The following EPM2A variants were observed in gnomAD, a reference collection of about 807,000 sequenced individuals.
EPM2A encodes the protein EPM2A glucan phosphatase, laforin.
In EPM2A, 21 loss-of-function variants were observed where a neutral mutation model predicts 26.5. The observed-to-expected ratio is 0.79, with a 90% CI of 0.56 to 1.14. The LOEUF (loss-of-function observed/expected upper bound fraction) is 1.14, where lower values mean the gene tolerates loss of function less well. EPM2A is among the 50% of genes most tolerant of loss of function. The pLI is 0.00. For missense variants in EPM2A, 458 were observed against 440.8 expected, an observed-to-expected ratio of 1.04 and a Z score of -0.35; for synonymous variants, 217 against 177.6, an observed-to-expected ratio of 1.22 and a Z score of -1.76.
chr6:145,670,913 T>C, intron 2 of EPM2A: 1 of 985,310 alleles, frequency 1.0e-6, no homozygotes, highest in Non-Finnish European at 1.2e-6. Context: ...CATTCCCCAG[T>C]CAGAAGAATT....
intron 4 of EPM2A, among the ~76,000 whole-genome samples, chr6:145,422,959 T>G (rs940198668): frequency 3.3e-5 from 5 of 152,162 alleles, no homozygotes; most frequent in Non-Finnish European, 7.4e-5. Context: ...TTTATATGAA[T>G]ATATATTTGT....
At position 145,572,604 on chromosome 6, in the gene EPM2A, A is replaced by G. The variant is rs1273109278; in HGVS notation, c.340+62641T>C. ...AGTAACAGACCAAGAGCTGTCTCTC[A>G]AAAGGAGAGTAGTTATCTGCAGAAA... On this transcript the variant is annotated intron_variant, in intron 2 of 3. Coordinates refer to the EPM2A transcript ENST00000450221. Among the ~76,000 whole-genome samples, 3 of 152,186 alleles carry G rather than the reference A, an allele frequency of 2.0e-5. No homozygotes were observed. In the East Asian group the frequency reaches 5.8e-4, roughly 29 times the overall value.
rs1388849611 is a variant in EPM2A, at chr6:145,732,230, TGTGTGTGC to T, written c.301+2960_301+2967del. Reference sequence around the variant, plus strand: ...GTGTGTGTGTGTGTGTGTGTGTGTGTGTGTGTGCGCGCCAAAGTAAGGAAGGGAGAGGA... The same window carrying T: ...GTGTGTGTGTGTGTGTGTGTGTGTGTGCGCCAAAGTAAGGAAGGGAGAGGA... On this transcript the variant is annotated intron_variant, in intron 1 of 3. Coordinates refer to ENST00000367519, the MANE Select transcript of EPM2A (RefSeq NM_005670.4). 2.6e-3 allele frequency among the ~76,000 whole-genome samples: 317 copies of T among 122,570 alleles called. 1 individual carries two copies. Among genetic ancestry groups the T allele is most frequent in the African/African-American group, 7.6e-3 (256 of 33,816 alleles). 80.4% of individuals were successfully genotyped at this position (122,570 alleles called of 152,430 possible). A position where few individuals can be genotyped will look rare whatever the true frequency, so the allele number is the denominator to read the frequency against.
intron 2 of EPM2A, among the ~76,000 whole-genome samples, chr6:145,562,752 T>A (rs1780826159): frequency 6.6e-6 from 1 of 152,072 alleles, no homozygotes; most frequent in Admixed American, 6.6e-5. Context: ...CTTAGAGTTT[T>A]ACACTCCATG....
intron 4 of EPM2A, among the ~76,000 whole-genome samples, chr6:145,386,040 A>G (rs1423855816): frequency 6.6e-6 from 1 of 152,146 alleles, no homozygotes; most frequent in Non-Finnish European, 1.5e-5. Context: ...TACTGAAGTA[A>G]TGAACAAAAT....
At chr6:145,447,467 G>A (rs1279144038) in intron 4 of EPM2A, among the ~76,000 whole-genome samples, 2 of 151,898 alleles carry the variant, frequency 1.3e-5, no homozygotes, top group East Asian at 1.9e-4. Flanking sequence ...GCTAATTGGT[G>A]CCTTACCTCT....
intron 3 of EPM2A, chr6:145,628,600 G>A (rs1776008091): frequency 1.3e-5 from 2 of 152,232 alleles, no homozygotes; most frequent in South Asian, 4.1e-4. Flanking sequence ...CAAAGGGAAA[G>A]GAAGAGGGAA....
chr6:145,665,966 C>T (rs1233089278), intron 2 of EPM2A, among the ~76,000 whole-genome samples: 1 of 148,500 alleles, frequency 6.7e-6, no homozygotes, highest in Non-Finnish European at 1.5e-5. Context: ...ATTCAACAAC[C>T]CTTCATGCTA....
chr6:145,721,912 A>G (rs1286136650), intron 1 of EPM2A, among the ~76,000 whole-genome samples: 1 of 152,176 alleles, frequency 6.6e-6, no homozygotes, highest in African/African-American at 2.4e-5. Context: ...TTTTGGGGGG[A>G]AAAATTCATA....
intron 1 of EPM2A, chr6:145,722,879 C>T (rs1776013453): frequency 8.8e-6 from 3 of 342,668 alleles, no homozygotes; most frequent in South Asian, 7.0e-5. Flanking sequence ...AAGAAAGAGG[C>T]CTGGAACAGA....
Position 145,471,613 on chromosome 6 carries a change from T to C in EPM2A, c.555+30909A>G, listed in dbSNP as rs9497317. Reference sequence around the variant, plus strand: ...ATGGTGTGAAGAGCCTCTATGGGCATTGGCGGAGAACACAGCAATTCTGAG... The same window carrying C: ...ATGGTGTGAAGAGCCTCTATGGGCACTGGCGGAGAACACAGCAATTCTGAG... On this transcript the variant is annotated intron_variant, in intron 4 of 4. Coordinates refer to the EPM2A transcript ENST00000638717. Among the ~76,000 whole-genome samples, 812 of 152,262 alleles carry C rather than the reference T, an allele frequency of 5.3e-3. 4 individuals are homozygous for C. Among genetic ancestry groups the C allele is most frequent in the African/African-American group, 0.019 (776 of 41,562 alleles).
At chr6:145,583,878 G>C (rs1050707121) in intron 2 of EPM2A, among the ~76,000 whole-genome samples, 1 of 152,238 alleles carries the variant, frequency 6.6e-6, no homozygotes, top group Non-Finnish European at 1.5e-5. Context: ...AGGAGCACTG[G>C]CATCCATGCA....
chr6:145,722,778 A>G, intron 1 of EPM2A: 2 of 451,526 alleles, frequency 4.4e-6, no homozygotes, highest in South Asian at 1.6e-5. Context: ...ATCCAATATG[A>G]TTAGTGCCTT....
chr6:145,610,568 T>C (rs576224293), intron 2 of EPM2A, among the ~76,000 whole-genome samples: 30 of 152,370 alleles, frequency 2.0e-4, no homozygotes, highest in African/African-American at 6.5e-4. Context: ...TTGTGAGTAC[T>C]CAGTGAGTGA....
chr6:145,452,731 A>G (rs1394162286), intron 4 of EPM2A, among the ~76,000 whole-genome samples: 2 of 151,978 alleles, frequency 1.3e-5, no homozygotes, highest in African/African-American at 4.8e-5. Flanking sequence ...TTAAAAATAA[A>G]TGTATATTTT....
chr6:145,658,298 A>G lies in EPM2A; in HGVS notation c.477-22812T>C, dbSNP rs555878777. ...ATGACTGACCTGTTCTACACTCTAT[A>G]GCATTTGTTAAATTTATGGCCTTCT... On this transcript the variant is annotated intron_variant, in intron 2 of 3. Coordinates refer to ENST00000367519, the MANE Select transcript of EPM2A (RefSeq NM_005670.4). 5.3e-5 allele frequency among the ~76,000 whole-genome samples: 8 copies of G among 152,312 alleles called. No individual in the cohort carries two copies. In the South Asian group the frequency reaches 1.7e-3, roughly 32 times the overall value.
chr6:145,576,325 G>A (rs896549088), intron 2 of EPM2A, among the ~76,000 whole-genome samples: 1 of 152,084 alleles, frequency 6.6e-6, no homozygotes, highest in South Asian at 2.1e-4. Flanking sequence ...ATTTCCTTTT[G>A]TTGTCCAATT....
At chr6:145,415,235 T>C (rs1160834069) in intron 4 of EPM2A, among the ~76,000 whole-genome samples, 2 of 152,230 alleles carry the variant, frequency 1.3e-5, no homozygotes, top group Non-Finnish European at 2.9e-5. Context: ...ACATTCAATA[T>C]GTTAAAATGT....
intron 1 of EPM2A, among the ~76,000 whole-genome samples, chr6:145,719,502 T>C (rs1348894038): frequency 6.6e-6 from 1 of 150,918 alleles, no homozygotes; most frequent in Non-Finnish European, 1.5e-5. Flanking sequence ...GGGATAGCAT[T>C]GGAAGATATA....
Sources: allele counts gnomAD v4.1 joint callset (sites outside exome capture counted in the v4.1 genomes callset), GRCh38; gene constraint gnomAD v4.1.1; transcripts MANE v1.5; gene names NCBI Gene and HGNC (gene_info 2026-07-23, HGNC 2026-07-21).